The following LAMA4 variants were observed in gnomAD, a reference collection of about 807,000 sequenced individuals.
The protein encoded by LAMA4 is laminin subunit alpha-4.
LAMA4 carries 127 observed loss-of-function variants against 207.1 expected under a neutral mutation model. That is an observed-to-expected ratio of 0.61 (90% CI 0.53 to 0.71). The LOEUF (loss-of-function observed/expected upper bound fraction) is 0.71. Among genes scored for constraint, LAMA4 ranks in the 30% least tolerant of loss-of-function variants. The pLI is 0.00. For missense variants in LAMA4, 2,093 were observed against 2,246.5 expected (o/e 0.93, Z 1.38); for synonymous variants, 761 against 816.0 (o/e 0.93, Z 1.15).
chr6:112,112,829 T>C (rs1777781353), intron 38 of LAMA4, among the ~76,000 whole-genome samples: 1 of 152,236 alleles, frequency 6.6e-6, no homozygotes, highest in African/African-American at 2.4e-5. Context: ...CTTCTTGCTC[T>C]CTTCTTTAAA....
intron 26 of LAMA4, 130 bp downstream of exon 26, chr6:112,134,337 G>A (rs1483727373): frequency 3.6e-6 from 3 of 835,452 alleles, no homozygotes; most frequent in Non-Finnish European, 6.0e-6. Context: ...ACATGAATGT[G>A]TGTACCTGTG....
At chr6:112,164,968 A>G (rs1423116726) in intron 13 of LAMA4, among the ~76,000 whole-genome samples, 192 bp downstream of exon 13, 5 of 152,360 alleles carry the variant, frequency 3.3e-5, no homozygotes, top group African/African-American at 1.2e-4. Flanking sequence ...TTTAATTTTA[A>G]GTAATTTAAA....
At chr6:112,191,519 G>T in intron 6 of LAMA4, 117 bp downstream of exon 6, 1 of 766,538 alleles carries the variant, frequency 1.3e-6, no homozygotes, top group South Asian at 1.5e-5. Flanking sequence ...CATTGCCCTG[G>T]GAAAGTGACA....
intron 32 of LAMA4, chr6:112,121,800 T>A (rs587757434): frequency 1.9e-6 from 1 of 515,264 alleles, no homozygotes; most frequent in East Asian, 3.6e-5. Flanking sequence ...CCTGGAAGAA[T>A]ACTGTTTTAT....
In LAMA4 at chr6:112,187,446, G is replaced by T. The variant is rs372706971; in HGVS notation, c.966+4C>A. The T allele has an allele frequency of 2.5e-6, 4 of 1,614,016 alleles. No individual in the cohort carries two copies. In the Admixed American group the frequency reaches 5.0e-5, roughly 20 times the overall value. ...AGAGTGGAAAGTAGAACATTCCTGCGTACTTTGAGGAGGTAGATGGTGGCG... is the reference window on the plus strand; with the variant it reads ...AGAGTGGAAAGTAGAACATTCCTGCTTACTTTGAGGAGGTAGATGGTGGCG... On this transcript the variant is annotated splice_donor_region_variant and intron_variant, in intron 8 of 38. Transcript: ENST00000230538.
chr6:112,191,927 G>GATTA, intron 5 of LAMA4, 77 bp from the exon 6 acceptor site: 1 of 1,115,110 alleles, frequency 9.0e-7, no homozygotes, highest in Non-Finnish European at 1.3e-6. Flanking sequence ...CTACAAAGAA[G>GATTA]AAAGATGTAG....
chr6:112,254,410 C>T (rs1175577020), intron 1 of LAMA4, 49 bp downstream of exon 1: 7 of 532,250 alleles, frequency 1.3e-5, no homozygotes, highest in African/African-American at 4.3e-5. Flanking sequence ...ACTTTTTCTC[C>T]TTCCCGCAGA....
intron 38 of LAMA4, among the ~76,000 whole-genome samples, chr6:112,110,932 A>C (rs11962253): frequency 0.25 from 37,866 of 152,144 alleles, 4,726 homozygotes; most frequent in East Asian, 0.32. Flanking sequence ...TTTAGAGAGA[A>C]TGTTTCCCAG....
intron 2 of LAMA4, chr6:112,235,976 C>T (rs1785889976): frequency 6.6e-6 from 1 of 152,160 alleles, no homozygotes; most frequent in Non-Finnish European, 1.5e-5. Context: ...TACTTAGTTC[C>T]AGGACACAGA....
At chr6:112,197,612 T>C (rs1783497175) in intron 5 of LAMA4, among the ~76,000 whole-genome samples, 1 of 152,234 alleles carries the variant, frequency 6.6e-6, no homozygotes, top group African/African-American at 2.4e-5. Context: ...AATAAAACTA[T>C]GAAACTAATC....
Position 112,154,965 on chromosome 6 carries a change from G to A in LAMA4, c.1960-18C>T. 6.5e-7 allele frequency: 1 copy of A among 1,528,152 alleles called. No homozygotes were observed. 94.7% of individuals were successfully genotyped at this position (1,528,152 alleles called of 1,614,324 possible). A position where few individuals can be genotyped will look rare whatever the true frequency, so the allele number is the denominator to read the frequency against. ...CTCACCGCCTACAAAGGAATTGAGA[G>A]AAGAGGGTAAAAATGACAGCAGAAG... On this transcript the variant is annotated intron_variant, in intron 15 of 38. Transcript: ENST00000230538.
intron 3 of LAMA4, 149 bp from the exon 4 acceptor site, chr6:112,207,294 A>C (rs1415557875): frequency 2.3e-6 from 2 of 854,556 alleles, no homozygotes; most frequent in Non-Finnish European, 3.8e-6. Context: ...TAGCATGAGG[A>C]GTCACACTGG....
intron 19 of LAMA4, among the ~76,000 whole-genome samples, chr6:112,143,820 C>A (rs1231832220): frequency 6.6e-6 from 1 of 152,128 alleles, no homozygotes; most frequent in Non-Finnish European, 1.5e-5. Context: ...CTCATAAAAA[C>A]CTAGCTTTTA....
intron 12 of LAMA4, among the ~76,000 whole-genome samples, chr6:112,166,694 T>C (rs556610885): frequency 6.6e-6 from 1 of 152,244 alleles, no homozygotes; most frequent in South Asian, 2.1e-4. Flanking sequence ...TTCTCCCACT[T>C]ACCGTATATA....
At chr6:112,171,904 C>T (rs1055876631) in intron 12 of LAMA4, 5 of 152,326 alleles carry the variant, frequency 3.3e-5, no homozygotes, top group African/African-American at 1.2e-4. Flanking sequence ...TGAATTTGCT[C>T]ATAATTGGTT....
intron 3 of LAMA4, among the ~76,000 whole-genome samples, chr6:112,209,802 T>G (rs1554355765): frequency 6.6e-6 from 1 of 152,112 alleles, no homozygotes; most frequent in African/African-American, 2.4e-5. Flanking sequence ...ATAAAAAAGG[T>G]ATGTTGTTGT....
intron 33 of LAMA4, among the ~76,000 whole-genome samples, chr6:112,119,882 A>G (rs1220757992): frequency 1.3e-5 from 2 of 152,156 alleles, no homozygotes; most frequent in Non-Finnish European, 2.9e-5. Flanking sequence ...ATTTCTTTCA[A>G]TATTTATCTG....
At chr6:112,182,200 G>A (rs1436633263) in intron 9 of LAMA4, among the ~76,000 whole-genome samples, 6 of 152,076 alleles carry the variant, frequency 3.9e-5, no homozygotes, top group Admixed American at 3.3e-4. Flanking sequence ...CAGCATCCAT[G>A]GGAGATTGGT....
Position 112,207,500 on chromosome 6 carries a change from G to A in LAMA4, c.298-355C>T, listed in dbSNP as rs184709741. 2.6e-4 allele frequency among the ~76,000 whole-genome samples: 36 copies of A among 139,824 alleles called. 1 individual carries two copies. The East Asian group carries it at 6.2e-3, about 24-fold the overall frequency. 91.7% of individuals were successfully genotyped at this position (139,824 alleles called of 152,430 possible). On this transcript the variant is annotated intron_variant, in intron 3 of 38. Coordinates refer to ENST00000230538, the MANE Select transcript of LAMA4 (RefSeq NM_001105206.3). ...CCAGAAATATTGGCTTATTGACTTCGAATGAATATGAAATGAGAAACCAAC... is the reference window on the plus strand; with the variant it reads ...CCAGAAATATTGGCTTATTGACTTCAAATGAATATGAAATGAGAAACCAAC...
Sources: gnomAD v4.1 joint callset for allele counts (sites outside exome capture counted in the v4.1 genomes callset) on GRCh38, gnomAD v4.1.1 for gene constraint, MANE v1.5 for transcripts, NCBI Gene and HGNC (gene_info 2026-07-23, HGNC 2026-07-21) for gene names.